The following LTBP1 variants were observed in gnomAD, a reference collection of about 807,000 sequenced individuals.
LTBP1 encodes latent transforming growth factor beta binding protein 1, also known as latent-transforming growth factor beta-binding protein 1.
Under a neutral mutation model 207.6 loss-of-function variants are expected in LTBP1, and 129 were observed. The observed-to-expected ratio is 0.62, with a 90% CI of 0.54 to 0.72. LTBP1 has a LOEUF of 0.72. Among genes scored for constraint, LTBP1 ranks in the 30% least tolerant of loss-of-function variants. LTBP1 has a pLI of 0.00. For synonymous variants in LTBP1, 963 were observed against 833.7 expected, an observed-to-expected ratio of 1.16 and a Z score of -2.67; for missense variants, 2,281 against 2,217.2, an observed-to-expected ratio of 1.03 and a Z score of -0.58.
intron 2 of LTBP1, among the ~76,000 whole-genome samples, chr2:32,972,330 T>C (rs775854811): frequency 1.3e-4 from 20 of 152,228 alleles, no homozygotes; most frequent in Non-Finnish European, 1.6e-4. Flanking sequence ...ATTTCCTGTC[T>C]TCTGCTAGCT....
At chr2:33,323,795 A>G (rs969806309) in intron 24 of LTBP1, among the ~76,000 whole-genome samples, 12 of 152,200 alleles carry the variant, frequency 7.9e-5, no homozygotes, top group African/African-American at 2.7e-4. Context: ...GATTACTCCA[A>G]ACTGAATGTG....
intron 24 of LTBP1, among the ~76,000 whole-genome samples, chr2:33,321,581 G>A (rs2149343075): frequency 6.6e-6 from 1 of 152,298 alleles, no homozygotes; most frequent in South Asian, 2.1e-4. Context: ...CGTGGACAGT[G>A]CCCCAAGGCA....
intron 15 of LTBP1, among the ~76,000 whole-genome samples, chr2:33,270,807 G>C (rs1019627493): frequency 1.1e-4 from 16 of 152,060 alleles, no homozygotes. Context: ...CATGTAACGT[G>C]ATCCTGACAG....
At chr2:33,087,869 C>A (rs1211452437) in intron 3 of LTBP1, among the ~76,000 whole-genome samples, 1 of 152,146 alleles carries the variant, frequency 6.6e-6, no homozygotes, top group Admixed American at 6.5e-5. Flanking sequence ...AAGTTAAAGA[C>A]CTCCAAAAAT....
intron 3 of LTBP1, among the ~76,000 whole-genome samples, chr2:33,042,757 A>G (rs745768801): frequency 3.3e-5 from 5 of 152,344 alleles, no homozygotes; most frequent in Admixed American, 1.3e-4. Flanking sequence ...GCCTTGATCT[A>G]TGCCTAGATA....
chr2:33,130,848 G>A (rs2081749349), intron 4 of LTBP1, among the ~76,000 whole-genome samples: 1 of 152,142 alleles, frequency 6.6e-6, no homozygotes, highest in South Asian at 2.1e-4. Flanking sequence ...TAAAGTGCTT[G>A]CTTAAGATTT....
chr2:33,269,906 A>G (rs577431633), intron 15 of LTBP1, among the ~76,000 whole-genome samples: 2 of 151,802 alleles, frequency 1.3e-5, no homozygotes, highest in East Asian at 3.9e-4. Flanking sequence ...TGAGGGAGAC[A>G]TGTTTTATAT....
intron 11 of LTBP1, 102 bp downstream of exon 11, chr2:33,252,946 T>G: frequency 2.2e-6 from 2 of 906,844 alleles, no homozygotes; most frequent in Non-Finnish European, 3.2e-6. Flanking sequence ...ACTTTAATTT[T>G]TAATAATACA....
At chr2:33,083,883 A>G (rs1427725943) in intron 3 of LTBP1, among the ~76,000 whole-genome samples, 3 of 152,210 alleles carry the variant, frequency 2.0e-5, no homozygotes, top group Non-Finnish European at 4.4e-5. Context: ...GCACTGTCAA[A>G]TTGAGGAAGC....
intron 19 of LTBP1, 85 bp from the exon 20 acceptor site, chr2:33,293,075 G>A (rs1302427888): frequency 1.4e-6 from 2 of 1,406,358 alleles, no homozygotes; most frequent in Non-Finnish European, 1.9e-6. Flanking sequence ...AAGGTCTACT[G>A]TTTCCATTTC....
chr2:33,027,295 G>A (rs752644451), intron 3 of LTBP1, among the ~76,000 whole-genome samples: 9 of 152,078 alleles, frequency 5.9e-5, no homozygotes, highest in Non-Finnish European at 7.4e-5. Flanking sequence ...ATTGTAAAAC[G>A]ATTACCACAA....
intron 31 of LTBP1, among the ~76,000 whole-genome samples, chr2:33,368,783 G>A (rs534527546): frequency 3.3e-5 from 5 of 152,058 alleles, no homozygotes; most frequent in Admixed American, 3.3e-4. Flanking sequence ...AGGTTGAGGT[G>A]GGAGGATGGC....
At chr2:33,065,383 A>G (rs559779784) in intron 3 of LTBP1, among the ~76,000 whole-genome samples, 1 of 152,230 alleles carries the variant, frequency 6.6e-6, no homozygotes, top group East Asian at 1.9e-4. Context: ...ATGAGACTCC[A>G]TCTCTACAAA....
At chr2:32,998,512 TAAAAAAAAAAAAA>T (rs769287082) in intron 2 of LTBP1, among the ~76,000 whole-genome samples, 5 of 29,266 alleles carry the variant, frequency 1.7e-4, no homozygotes, top group African/African-American at 2.6e-4. Context: ...GACTCCATCT[TAAAAAAAAAAAAA>T]AAAAAAAAAA....
At chr2:33,287,986 C>T (rs910015359) in intron 19 of LTBP1, among the ~76,000 whole-genome samples, 4 of 152,082 alleles carry the variant, frequency 2.6e-5, no homozygotes, top group African/African-American at 4.8e-5. Flanking sequence ...GTTGAGGAGT[C>T]GCTGGAGTAA....
At chr2:33,397,492 A>G (rs1200278390) in intron 33 of LTBP1, among the ~76,000 whole-genome samples, 1 of 135,510 alleles carries the variant, frequency 7.4e-6, no homozygotes, top group African/African-American at 2.8e-5. Flanking sequence ...TGTTCTGTGT[A>G]TTTTACCACA....
chr2:33,057,184 T>A (rs1393066660), intron 3 of LTBP1, among the ~76,000 whole-genome samples: 1 of 151,536 alleles, frequency 6.6e-6, no homozygotes, highest in Admixed American at 6.6e-5. Context: ...CCCACCAGAT[T>A]AGCTAGATAC....
rs996669305 is a variant in LTBP1 at position 32,947,058 on chromosome 2, C to T, written c.-267C>T. On this transcript the variant is annotated 5_prime_UTR_variant, in exon 1 of 34. Coordinates refer to ENST00000404816, the MANE Select transcript of LTBP1 (RefSeq NM_206943.4). The stretch of plus-strand genomic sequence containing the variant: ...ACGCGCGGACCCTCACCTTGCGCGG[C>T]CCGCTCCCCTCGCCCCTCCCCGCTC... The T allele has an allele frequency of 3.5e-6, 1 of 284,404 alleles. No individual in the cohort carries two copies. Among genetic ancestry groups the T allele is most frequent in the Non-Finnish European group, 6.5e-6 (1 of 153,528 alleles). 17.6% of individuals were successfully genotyped at this position (284,404 alleles called of 1,614,324 possible). A position where few individuals can be genotyped will look rare whatever the true frequency, so the allele number is the denominator to read the frequency against.
intron 5 of LTBP1, among the ~76,000 whole-genome samples, chr2:33,155,732 T>C (rs1053372419): frequency 6.6e-6 from 1 of 152,244 alleles, no homozygotes; most frequent in Admixed American, 6.5e-5. Context: ...ACTTTGCTTA[T>C]GGTGTTTTTG....
Sources: gnomAD v4.1 joint callset for allele counts (sites outside exome capture counted in the v4.1 genomes callset) on GRCh38, gnomAD v4.1.1 for gene constraint, MANE v1.5 for transcripts, NCBI Gene and HGNC (gene_info 2026-07-23, HGNC 2026-07-21) for gene names.